The following MEI1 variants were observed in gnomAD, a reference collection of about 807,000 sequenced individuals.
The protein encoded by MEI1 is meiosis inhibitor protein 1.
Under a neutral mutation model 146.2 loss-of-function variants are expected in MEI1, and 103 were observed. The observed-to-expected ratio is 0.70, with a 90% CI of 0.60 to 0.83. MEI1 has a LOEUF of 0.83. MEI1 is among the 40% of genes least tolerant of loss of function. The pLI, the probability that MEI1 is intolerant of heterozygous loss-of-function variation, is 0.00. For synonymous variants in MEI1, 652 were observed against 628.2 expected (o/e 1.04, Z -0.57); for missense variants, 1,529 against 1,533.0 (o/e 1.00, Z 0.04).
intron 19 of MEI1, 53 bp downstream of exon 19, chr22:41,763,374 T>G (rs2074632171): frequency 6.3e-7 from 1 of 1,587,430 alleles, no homozygotes; most frequent in Non-Finnish European, 8.6e-7. Context: ...TTTACATTAG[T>G]GTTCCCTGGG....
At chr22:41,753,853 A>G in intron 16 of MEI1, 96 bp from the exon 17 acceptor site, 1 of 876,590 alleles carries the variant, frequency 1.1e-6, no homozygotes, top group Non-Finnish European at 1.9e-6. Context: ...AGCCTCTGGC[A>G]CAAAGCAGTG....
In MEI1 at chr22:41,732,706, A is replaced by G. The variant is rs1032897982; in HGVS notation, c.1331+103A>G. The G allele has an allele frequency of 8.7e-6, 11 of 1,269,674 alleles. No individual in the cohort carries two copies. In the Admixed American group the frequency reaches 2.1e-4, roughly 24 times the overall value. The allele number at this position is 1,269,674 out of a possible 1,614,324, so 78.7% of individuals were successfully genotyped here. ...TAAGTATCCCTAGATTACTTATAAT[A>G]CCTAATATAGTTGGCCCTTCATAAT... On this transcript the variant is annotated intron_variant, in intron 11 of 30. Coordinates refer to ENST00000401548, the MANE Select transcript of MEI1 (RefSeq NM_152513.4).
chr22:41,733,314 T>G (rs552153752), intron 11 of MEI1, among the ~76,000 whole-genome samples: 14 of 151,802 alleles, frequency 9.2e-5, no homozygotes, highest in African/African-American at 3.1e-4. Flanking sequence ...GCCAGGCATG[T>G]TGGTGCACAC....
At chr22:41,778,625 G>C in intron 21 of MEI1, 83 bp from the exon 22 acceptor site, 1 of 1,023,088 alleles carries the variant, frequency 9.8e-7, no homozygotes, top group South Asian at 1.4e-5. Context: ...TGTTATTAAG[G>C]GCCATTGAAG....
intron 11 of MEI1, among the ~76,000 whole-genome samples, chr22:41,735,637 A>G (rs1278963147): frequency 6.6e-6 from 1 of 152,080 alleles, no homozygotes; most frequent in Non-Finnish European, 1.5e-5. Context: ...TATACTTCCA[A>G]AGTGTTATGT....
At chr22:41,717,242 A>C (rs1179158668) in intron 5 of MEI1, among the ~76,000 whole-genome samples, 2 of 152,134 alleles carry the variant, frequency 1.3e-5, no homozygotes, top group Non-Finnish European at 2.9e-5. Context: ...GGCTTACTGA[A>C]ATCTCTGCCT....
chr22:41,754,277 C>A (rs549999943), intron 17 of MEI1, among the ~76,000 whole-genome samples: 42 of 152,236 alleles, frequency 2.8e-4, no homozygotes, highest in Non-Finnish European at 4.7e-4. Flanking sequence ...GAGAAGGATC[C>A]TAATGTTCAT....
intron 11 of MEI1, among the ~76,000 whole-genome samples, chr22:41,734,656 G>T (rs906869871): frequency 1.3e-5 from 2 of 152,112 alleles, no homozygotes; most frequent in African/African-American, 4.8e-5. Flanking sequence ...AATTTTTTTT[G>T]AGATGAAGTT....
At chr22:41,713,061 G>A (rs554426646) in intron 3 of MEI1, among the ~76,000 whole-genome samples, 2 of 152,054 alleles carry the variant, frequency 1.3e-5, no homozygotes, top group South Asian at 2.1e-4. Flanking sequence ...CGCCCATCTC[G>A]GCCTCCCAAA....
intron 11 of MEI1, among the ~76,000 whole-genome samples, chr22:41,736,362 G>A (rs954288638): frequency 2.7e-5 from 4 of 150,538 alleles, no homozygotes; most frequent in Admixed American, 6.7e-5. Context: ...CCATTCTCCC[G>A]CCTCAGCCTC....
chr22:41,732,330 T>C lies in MEI1; in HGVS notation c.1182T>C (p.Ala394=), dbSNP rs150397235. Residue 394 remains alanine, a synonymous_variant, in exon 10 of 31, where the codon GCT becomes GCC. Transcript: ENST00000401548. The stretch of plus-strand genomic sequence containing the variant: ...ACAAGCAGGGCCTGCTGCTTTTCGC[T>C]GAAATCCTGACCCGGTGAGCAAAGT... ...ELHKQGLLLF[A]EILTRQPEEI... is the part of the protein sequence containing the mutation. The C allele has an allele frequency of 1.1e-3, 1,806 of 1,612,790 alleles. 16 individuals are homozygous for C. Among genetic ancestry groups the C allele is most frequent in the Middle Eastern group, 2.3e-3 (14 of 6,062 alleles).
At position 41,770,790 on chromosome 22, in the gene MEI1, G is replaced by T; in HGVS notation, c.2373G>T (p.Glu791Asp). ...TCAGGTTCTTTCTGTTGTATCCAGA[G>T]CTCATGAGTAGGTATGGGCACCGTG... The part of the protein sequence containing the change: ...LLLRFFLLYP[E>D]LMSRYGHRVL... The change falls in exon 20 of 31, where the codon GAG (glutamate) becomes GAT (aspartate). Residue 791 changes from glutamate (E) to aspartate (D), a missense_variant. Glu to Asp is a conservative substitution (Grantham distance 45). Coordinates refer to ENST00000401548, the MANE Select transcript of MEI1 (RefSeq NM_152513.4). 2 of 1,613,948 alleles carry T rather than the reference G, an allele frequency of 1.2e-6. No individual in the cohort carries two copies. Among genetic ancestry groups the T allele is most frequent in the Non-Finnish European group, 1.7e-6 (2 of 1,179,896 alleles).
chr22:41,744,871 C>G (rs1231661671), intron 12 of MEI1, 102 bp from the exon 13 acceptor site: 17 of 535,364 alleles, frequency 3.2e-5, no homozygotes. Flanking sequence ...ATGGGAATGT[C>G]AGACTGCAGT....
Position 41,781,811 on chromosome 22 carries a change from CCTT to C in MEI1, c.3056_3058del (p.Phe1019del), listed in dbSNP as rs2075768427. ...TGCTCTGCCTGGCTGCTCACTGCCT[CCTT>C]CTCTGCCCAGCAGCACAAGGGCAGT... On this transcript the variant is annotated inframe_deletion, in exon 24 of 31. Coordinates refer to ENST00000401548, the MANE Select transcript of MEI1 (RefSeq NM_152513.4). The C allele has an allele frequency of 2.5e-6, 4 of 1,613,990 alleles. No homozygotes were observed. Among genetic ancestry groups the C allele is most frequent in the Non-Finnish European group, 3.4e-6 (4 of 1,179,912 alleles).
chr22:41,780,225 C>T (rs1343891438), intron 22 of MEI1, among the ~76,000 whole-genome samples: 2 of 152,164 alleles, frequency 1.3e-5, no homozygotes, highest in African/African-American at 4.8e-5. Flanking sequence ...AGGACATTTA[C>T]ATATAATCCT....
chr22:41,705,654 C>A, intron 3 of MEI1, 100 bp downstream of exon 3: 1 of 947,152 alleles, frequency 1.1e-6, no homozygotes, highest in Non-Finnish European at 1.7e-6. Context: ...TGTTTAGACA[C>A]AGATAAGAGG....
Position 41,795,078 on chromosome 22 carries a change from A to G in MEI1, c.3535-333A>G, listed in dbSNP as rs2076314086. Among the ~76,000 whole-genome samples, 1 of 152,234 alleles carries G rather than the reference A, an allele frequency of 6.6e-6. No homozygotes were observed. Among genetic ancestry groups the G allele is most frequent in the Non-Finnish European group, 1.5e-5 (1 of 68,034 alleles). ...GGAAAGGTATTCCAGGTAGTGAAGT[A>G]CAAACAACAGGTACAAGAGCACATG... On this transcript the variant is annotated intron_variant, in intron 28 of 30. Coordinates refer to ENST00000401548, the MANE Select transcript of MEI1 (RefSeq NM_152513.4). This position sits in a 1 kb window ranked among gnomAD's most constrained non-coding sequence, Gnocchi z 4.2.
At chr22:41,732,425 G>A in intron 10 of MEI1, 44 bp from the exon 11 acceptor site, 1 of 1,613,684 alleles carries the variant, frequency 6.2e-7, no homozygotes, top group Non-Finnish European at 8.5e-7. Flanking sequence ...GGTGGGGTCA[G>A]TGAGAAGAGT....
chr22:41,723,538 G>A (rs1008872613), intron 6 of MEI1, among the ~76,000 whole-genome samples: 1 of 152,050 alleles, frequency 6.6e-6, no homozygotes, highest in African/African-American at 2.4e-5. Flanking sequence ...TTTTGTGTTT[G>A]TTTCTCCTAC....
Sources: gnomAD v4.1 joint callset for allele counts (sites outside exome capture counted in the v4.1 genomes callset) on GRCh38, gnomAD v4.1.1 for gene constraint, Gnocchi (gnomAD v3.1) non-coding constraint, MANE v1.5 for transcripts, NCBI Gene and HGNC (gene_info 2026-07-23, HGNC 2026-07-21) for gene names.